Variants in TLN2 observed in about 807,000 individuals in gnomAD.
The protein encoded by TLN2 is talin-2.
TLN2 carries 118 observed loss-of-function variants against 294.7 expected under a neutral mutation model. The observed-to-expected ratio is 0.40, with a 90% CI of 0.34 to 0.47. The LOEUF is 0.47. TLN2 is among the 20% of genes least tolerant of loss of function. TLN2 has a pLI of 0.84. For missense variants in TLN2, 3,083 were observed against 3,282.2 expected, an observed-to-expected ratio of 0.94 and a Z score of 1.48; for synonymous variants, 1,431 against 1,304.5, an observed-to-expected ratio of 1.10 and a Z score of -2.09.
At chr15:62,575,212 C>CT (rs1418079699) in intron 1 of TLN2, among the ~76,000 whole-genome samples, 1 of 152,044 alleles carries the variant, frequency 6.6e-6, no homozygotes, top group Non-Finnish European at 1.5e-5. Flanking sequence ...ACTTGGGAGG[C>CT]TGAGGTGAGA....
At chr15:62,668,202 A>AT (rs1404720494) in intron 9 of TLN2, among the ~76,000 whole-genome samples, 1 of 152,188 alleles carries the variant, frequency 6.6e-6, no homozygotes, top group Non-Finnish European at 1.5e-5. Flanking sequence ...ATTTTAGGTA[A>AT]TTTTACAAAG....
At chr15:62,451,959 G>GT (rs1491471661) in intron 1 of TLN2, among the ~76,000 whole-genome samples, 2 of 145,428 alleles carry the variant, frequency 1.4e-5, no homozygotes, top group Non-Finnish European at 2.9e-5. Context: ...GTCAAAAGGG[G>GT]TGTGTGTGTG....
intron 1 of TLN2, among the ~76,000 whole-genome samples, chr15:62,434,217 G>A (rs1461113237): frequency 1.3e-5 from 2 of 152,148 alleles, no homozygotes; most frequent in Non-Finnish European, 2.9e-5. Flanking sequence ...TATCCTGGAA[G>A]TGGTCTATGT....
intron 33 of TLN2, among the ~76,000 whole-genome samples, 187 bp downstream of exon 33, chr15:62,748,631 A>G (rs2061746551): frequency 6.6e-6 from 1 of 152,234 alleles, no homozygotes; most frequent in Admixed American, 6.5e-5. Context: ...GTGGAAAGAA[A>G]CTGAAGAGAA....
chr15:62,779,674 C>T (rs369968200), intron 43 of TLN2, among the ~76,000 whole-genome samples: 30 of 152,176 alleles, frequency 2.0e-4, no homozygotes, highest in African/African-American at 7.0e-4. Flanking sequence ...TAGCATGTGG[C>T]CTGAGGCTTA....
chr15:62,825,797 T>TA (rs1327598140), intron 54 of TLN2, among the ~76,000 whole-genome samples: 1 of 12,102 alleles, frequency 8.3e-5, no homozygotes, highest in Non-Finnish European at 1.7e-4. Context: ...TATTATAATA[T>TA]ATATTATATA....
rs186270605 is a variant in TLN2, at chr15:62,823,866, T to C, written c.7002+3256T>C. 1.2e-3 allele frequency: 548 copies of C among 451,174 alleles called. 4 individuals are homozygous for C. The highest frequency in any genetic ancestry group is 0.011 in the African/African-American group (530 of 48,614). 27.9% of individuals were successfully genotyped at this position (451,174 alleles called of 1,614,324 possible). A position where few individuals can be genotyped will look rare whatever the true frequency, so the allele number is the denominator to read the frequency against. On this transcript the variant is annotated intron_variant, in intron 54 of 58. Coordinates refer to ENST00000636159, the MANE Select transcript of TLN2 (RefSeq NM_015059.3). ...CAGACTTGTGCTCCAAAGACAGTTA[T>C]CGGAGTTGCTGCAAAAGTGACCACC...
intron 51 of TLN2, among the ~76,000 whole-genome samples, chr15:62,807,382 A>G (rs2141165034): frequency 6.6e-6 from 1 of 152,322 alleles, no homozygotes; most frequent in East Asian, 1.9e-4. Context: ...GCTCAGAGAG[A>G]GAAGTGGCAT....
chr15:62,690,739 A>G (rs2057799302), intron 12 of TLN2, among the ~76,000 whole-genome samples: 1 of 150,268 alleles, frequency 6.7e-6, no homozygotes, highest in Admixed American at 6.6e-5. Flanking sequence ...CACTGAGTGA[A>G]CCAGACTCCG....
At chr15:62,639,351 C>T (rs536230291) in intron 3 of TLN2, among the ~76,000 whole-genome samples, 1 of 152,280 alleles carries the variant, frequency 6.6e-6, no homozygotes, top group Non-Finnish European at 1.5e-5. Flanking sequence ...TGCACAGCAG[C>T]CCTGGAAGCC....
intron 1 of TLN2, among the ~76,000 whole-genome samples, chr15:62,467,695 T>C (rs1351951168): frequency 2.0e-5 from 3 of 151,698 alleles, no homozygotes; most frequent in African/African-American, 7.3e-5. Flanking sequence ...AAAAAAAAAA[T>C]TAGTGTGAAA....
chr15:62,514,290 AAAAT>A (rs1196843250), intron 1 of TLN2, among the ~76,000 whole-genome samples: 5 of 152,220 alleles, frequency 3.3e-5, no homozygotes, highest in Admixed American at 2.0e-4. Flanking sequence ...TGTTATGAAA[AAAAT>A]AACCATAAAA....
At chr15:62,762,940 T>A (rs566827301) in intron 39 of TLN2, among the ~76,000 whole-genome samples, 62 of 152,338 alleles carry the variant, frequency 4.1e-4, no homozygotes, top group Non-Finnish European at 7.8e-4. Flanking sequence ...TCTGACCTTG[T>A]CGATAGTGGG....
At chr15:62,478,723 T>G (rs904451019) in intron 1 of TLN2, among the ~76,000 whole-genome samples, 3 of 152,226 alleles carry the variant, frequency 2.0e-5, no homozygotes, top group African/African-American at 7.2e-5. Flanking sequence ...TGCCACTCAG[T>G]GGGATTTCTA....
chr15:62,396,574 G>GT (rs1460584557), intron 1 of TLN2, among the ~76,000 whole-genome samples: 1 of 152,140 alleles, frequency 6.6e-6, no homozygotes, highest in Non-Finnish European at 1.5e-5. Flanking sequence ...CAGAAAAACT[G>GT]TTTCCCTCTG....
At chr15:62,439,634 G>A (rs1652247541) in intron 1 of TLN2, among the ~76,000 whole-genome samples, 1 of 152,088 alleles carries the variant, frequency 6.6e-6, no homozygotes, top group Non-Finnish European at 1.5e-5. Context: ...TTTATGGATT[G>A]GGTCAGCATG....
At chr15:62,758,156 TGAA>T (rs926493392) in intron 37 of TLN2, among the ~76,000 whole-genome samples, 1 of 152,082 alleles carries the variant, frequency 6.6e-6, no homozygotes, top group African/African-American at 2.4e-5. Context: ...CTTATAGTCA[TGAA>T]GAAGGGAGGG....
At chr15:62,433,843 GC>G (rs11331174) in intron 1 of TLN2, among the ~76,000 whole-genome samples, 18,274 of 151,960 alleles carry the variant, frequency 0.12, 1,296 homozygotes, top group Admixed American at 0.22. Flanking sequence ...ACAAAAATTA[GC>G]CAGGAGTGAT....
At chr15:62,717,745 A>G (rs1159601271) in intron 24 of TLN2, 56 bp downstream of exon 24, 1 of 1,258,168 alleles carries the variant, frequency 7.9e-7, no homozygotes, top group African/African-American at 1.5e-5. Context: ...TGATAACATT[A>G]GAACACCAAG....
Sources: allele counts gnomAD v4.1 joint callset (sites outside exome capture counted in the v4.1 genomes callset), GRCh38; gene constraint gnomAD v4.1.1; transcripts MANE v1.5; gene names NCBI Gene and HGNC (gene_info 2026-07-23, HGNC 2026-07-21).